The following SLC2A9 variants were observed in gnomAD, a reference collection of about 807,000 sequenced individuals.
SLC2A9 encodes the protein solute carrier family 2 member 9.
SLC2A9 carries 39 observed loss-of-function variants against 50.6 expected under a neutral mutation model. The ratio of observed to expected loss-of-function variants is 0.77; its 90% CI spans 0.60 to 1.01. SLC2A9 has a LOEUF of 1.01. Among genes scored for constraint, SLC2A9 ranks in the 50% least tolerant of loss-of-function variants. The probability of loss-of-function intolerance (pLI) is 0.00; values close to 1 mark genes in which losing one functional copy is unlikely to be tolerated. For missense variants in SLC2A9, 686 were observed against 677.6 expected (o/e 1.01, Z -0.14); for synonymous variants, 324 against 276.9 (o/e 1.17, Z -1.69).
intron 11 of SLC2A9, among the ~76,000 whole-genome samples, chr4:9,831,845 C>T (rs1726199096): frequency 1.3e-5 from 2 of 152,214 alleles, no homozygotes; most frequent in Admixed American, 6.5e-5. Context: ...TGCCTACGGC[C>T]CCCTGAGTGT....
intron 5 of SLC2A9, among the ~76,000 whole-genome samples, chr4:9,978,094 G>C (rs1261187681): frequency 6.6e-6 from 1 of 152,228 alleles, no homozygotes; most frequent in Non-Finnish European, 1.5e-5. Context: ...TGTTTTCCCA[G>C]AGGAAGTCAA....
intron 5 of SLC2A9, among the ~76,000 whole-genome samples, chr4:9,961,054 A>G (rs1752189325): frequency 6.6e-6 from 1 of 152,224 alleles, no homozygotes; most frequent in Non-Finnish European, 1.5e-5. Flanking sequence ...TCCTCATTTT[A>G]CAGAATCAGA....
At chr4:9,820,673 T>G (rs1724275463) in intron 3 of SLC2A9, among the ~76,000 whole-genome samples, 1 of 152,220 alleles carries the variant, frequency 6.6e-6, no homozygotes, top group South Asian at 2.1e-4. Context: ...TGTTAGATAT[T>G]TAACCAAGTA....
intron 10 of SLC2A9, among the ~76,000 whole-genome samples, chr4:9,874,344 G>A (rs1460604705): frequency 6.6e-6 from 1 of 152,210 alleles, no homozygotes; most frequent in Non-Finnish European, 1.5e-5. Context: ...GCCCAGCCTT[G>A]CCAGGGGAGT....
chr4:10,017,021 C>G (rs1467264794), intron 2 of SLC2A9, among the ~76,000 whole-genome samples: 1 of 152,202 alleles, frequency 6.6e-6, no homozygotes, highest in Non-Finnish European at 1.5e-5. Flanking sequence ...AGCCAGGCCT[C>G]TGTGTGTGTG....
intron 7 of SLC2A9, 26 bp downstream of exon 7, chr4:9,920,359 G>T (rs1427974385): frequency 1.2e-6 from 2 of 1,613,176 alleles, no homozygotes; most frequent in East Asian, 4.5e-5. Flanking sequence ...GTCATGCAAG[G>T]ATGCCCACCG....
chr4:10,018,085 C>A (rs1035513221), intron 2 of SLC2A9, among the ~76,000 whole-genome samples: 1 of 152,356 alleles, frequency 6.6e-6, no homozygotes, highest in Admixed American at 6.5e-5. Flanking sequence ...AGCATCTAAA[C>A]CTTACAGCCT....
intron 5 of SLC2A9, among the ~76,000 whole-genome samples, chr4:9,979,464 C>G (rs1755340275): frequency 1.3e-5 from 2 of 152,104 alleles, no homozygotes; most frequent in Admixed American, 6.5e-5. Context: ...GCCTACCCTC[C>G]TGCCCTGCCT....
chr4:9,826,413 A>G lies in SLC2A9; in HGVS notation c.1607T>C (p.Ile536Thr), dbSNP rs1725137603. ...KIDSAVTDGK[I>T]NGRP ...GGAAACTTGTTAAGGCCTTCCATTT[A>G]TCTTACCATCAGTGACAGCTGAGTC... Residue 536 changes from isoleucine to threonine, a missense_variant, in exon 12 of 12, where the codon ATA (isoleucine) becomes ACA (threonine). By Grantham distance (89) the Ile-to-Thr change is moderately conservative. Transcript: ENST00000264784. 10 of 1,614,102 alleles carry G rather than the reference A, an allele frequency of 6.2e-6. No homozygotes were observed. Among genetic ancestry groups the G allele is most frequent in the Non-Finnish European group, 8.5e-6 (10 of 1,179,958 alleles).
At chr4:9,795,969 T>C (rs1720550100), downstream of SLC2A9, among the ~76,000 whole-genome samples, 1 of 152,132 alleles carries the variant, frequency 6.6e-6, no homozygotes, top group African/African-American at 2.4e-5. Flanking sequence ...CAAATCCAGG[T>C]TGTAGGTACA....
chr4:9,820,416 T>C (rs1326634871), intron 3 of SLC2A9, among the ~76,000 whole-genome samples: 1 of 152,230 alleles, frequency 6.6e-6, no homozygotes, highest in African/African-American at 2.4e-5. Context: ...TTATTCTTTG[T>C]TTAAAAAACT....
At chr4:9,967,751 T>TA (rs1026020291) in intron 5 of SLC2A9, among the ~76,000 whole-genome samples, 1 of 151,916 alleles carries the variant, frequency 6.6e-6, no homozygotes, top group Non-Finnish European at 1.5e-5. Context: ...AACTTTACAT[T>TA]AAAAAATCTT....
rs540436189 is a variant in SLC2A9, at chr4:9,772,223, A to G, written n.182-854T>C. Among the ~76,000 whole-genome samples, 91 of 152,324 alleles carry G rather than the reference A, an allele frequency of 6.0e-4. 2 individuals carry two copies. In the Middle Eastern group the frequency reaches 0.041, roughly 68 times the overall value. On this transcript the variant is annotated intron_variant and non_coding_transcript_variant, in intron 1 of 1. Transcript: ENST00000508585. The stretch of plus-strand genomic sequence containing the variant: ...TCTGGCAGCCATGCAAGCAAAAAGC[A>G]TCAAGGACCTGAATTAGGAGGTGGC...
intron 6 of SLC2A9, among the ~76,000 whole-genome samples, chr4:9,940,167 C>A (rs1262626787): frequency 6.6e-6 from 1 of 152,166 alleles, no homozygotes; most frequent in East Asian, 1.9e-4. Context: ...GAGGCCTCAC[C>A]CTCTTCCAAT....
At chr4:9,844,270 T>G (rs1330237542) in intron 10 of SLC2A9, among the ~76,000 whole-genome samples, 1 of 152,062 alleles carries the variant, frequency 6.6e-6, no homozygotes, top group Non-Finnish European at 1.5e-5. Context: ...TATTCCCCTC[T>G]TTCTTTCTCT....
chr4:9,780,226 C>A (rs2108841199), intron 3 of SLC2A9, among the ~76,000 whole-genome samples: 1 of 152,236 alleles, frequency 6.6e-6, no homozygotes, highest in African/African-American at 2.4e-5. Context: ...GCTGGGAAGA[C>A]AGAGGGTCAG....
At chr4:9,879,351 A>G in intron 10 of SLC2A9, 1 of 971,340 alleles carries the variant, frequency 1.0e-6, no homozygotes, top group East Asian at 1.2e-4. Context: ...GAGACCATGA[A>G]GCGTGTGTGT....
chr4:9,942,142 C>A, intron 5 of SLC2A9, 97 bp from the exon 6 acceptor site: 1 of 1,454,304 alleles, frequency 6.9e-7, no homozygotes, highest in Non-Finnish European at 9.6e-7. Flanking sequence ...TGCAGAAGGT[C>A]TTCCTGCCCA....
chr4:9,871,225 C>G (rs1560216709), intron 10 of SLC2A9, among the ~76,000 whole-genome samples: 1 of 152,134 alleles, frequency 6.6e-6, no homozygotes, highest in African/African-American at 2.4e-5. Context: ...TTTCCAAAGC[C>G]CTGGTACCCT....
Sources: allele counts gnomAD v4.1 joint callset (sites outside exome capture counted in the v4.1 genomes callset), GRCh38; gene constraint gnomAD v4.1.1; transcripts MANE v1.5; gene names NCBI Gene and HGNC (gene_info 2026-07-23, HGNC 2026-07-21).